The following MYH4 variants were observed in gnomAD, a reference collection of about 807,000 sequenced individuals.
MYH4 encodes the protein myosin heavy chain 4, also known as myosin-4.
MYH4 carries 200 observed loss-of-function variants against 229.9 expected under a neutral mutation model. The ratio of observed to expected loss-of-function variants is 0.87; its 90% confidence interval spans 0.78 to 0.98. The LOEUF (loss-of-function observed/expected upper bound fraction) is 0.98. MYH4 is among the 50% of genes least tolerant of loss of function. The probability of loss-of-function intolerance (pLI) is 0.00; values close to 1 mark genes in which losing one functional copy is unlikely to be tolerated. For missense variants in MYH4, 2,148 were observed against 2,332.6 expected (o/e 0.92, Z 1.63); for synonymous variants, 761 against 834.6 (o/e 0.91, Z 1.52).
At position 10,448,632 on chromosome 17, in the gene MYH4, TTC is replaced by T; in HGVS notation, c.4515_4516del (p.Asn1506Ter). The T allele has an allele frequency of 6.2e-7, 1 of 1,613,926 alleles. No individual in the cohort carries two copies. On this transcript the variant is annotated frameshift_variant, in exon 32 of 40. Transcript: ENST00000255381. LOFTEE classifies it high-confidence loss of function. ...CAGTGACTCACGTTGTAAGTTCTTA[TTC>T]TCTCGCTTTAGAGTTTCAAGATGAT...
chr17:10,467,990 A>T (rs1335194819), intron 2 of MYH4, among the ~76,000 whole-genome samples: 2 of 152,190 alleles, frequency 1.3e-5, no homozygotes, highest in African/African-American at 2.4e-5. Flanking sequence ...TGTCATCAGC[A>T]TTAACTTTCC....
In MYH4 at chr17:10,443,635, C is replaced by T. The variant is rs77307758; in HGVS notation, c.5668-108G>A. On this transcript the variant is annotated intron_variant, in intron 39 of 39. Transcript: ENST00000255381. The surrounding 1 kb of genome is among the most constrained non-coding windows in gnomAD (Gnocchi z 4.6). ...TCATGAATGAGAAAGAAAAAGGCTC[C>T]GTTGTCCAGGCATGGTGGCTCACAC... is the stretch of plus-strand genomic sequence containing the variant. 305 of 1,238,944 alleles carry T rather than the reference C, an allele frequency of 2.5e-4. 1 individual carries two copies. In the East Asian group the frequency reaches 6.9e-3, roughly 28 times the overall value. 76.7% of individuals were successfully genotyped at this position (1,238,944 alleles called of 1,614,324 possible). A position where few individuals can be genotyped will look rare whatever the true frequency, so the allele number is the denominator to read the frequency against.
intron 2 of MYH4, among the ~76,000 whole-genome samples, chr17:10,468,138 T>G (rs1324233042): frequency 1.3e-5 from 2 of 152,098 alleles, no homozygotes; most frequent in South Asian, 2.1e-4. Context: ...TAATGTCAGG[T>G]TTTTTTTCTT....
intron 5 of MYH4, 50 bp downstream of exon 5, chr17:10,465,392 A>G: frequency 6.3e-7 from 1 of 1,597,386 alleles, no homozygotes; most frequent in Non-Finnish European, 8.6e-7. Context: ...TTCTGATATC[A>G]GTATACAACT....
At position 10,449,000 on chromosome 17, in the gene MYH4, G is replaced by C. The variant is rs1399390545; in HGVS notation, c.4229C>G (p.Ala1410Gly). 6.2e-7 allele frequency: 1 copy of C among 1,614,120 alleles called. No individual in the cohort carries two copies. The highest frequency in any genetic ancestry group is 1.3e-5 in the African/African-American group (1 of 75,046). Residue 1410 changes from alanine (A) to glycine (G), a missense_variant, in exon 31 of 40, where the codon GCT (alanine) becomes GGT (glycine). Physicochemically the swap from Ala to Gly is moderately conservative, Grantham distance 60. Coordinates refer to ENST00000255381, the MANE Select transcript of MYH4 (RefSeq NM_017533.2). ...RLQDAEEHVE[A>G]VNSKCASLEK... is the part of the protein sequence containing the mutation. ...AAGAGAAGCACATTTGGAATTCACA[G>C]CTTCTACATGTTCTTCTGCATCCTG...
At chr17:10,468,826 T>C (rs1597426633) in intron 2 of MYH4, among the ~76,000 whole-genome samples, 1 of 152,114 alleles carries the variant, frequency 6.6e-6, no homozygotes, top group South Asian at 2.1e-4. Flanking sequence ...GGGACATGAG[T>C]CCTGTTCCGC....
chr17:10,451,522 G>A, intron 27 of MYH4, 70 bp from the exon 28 acceptor site: 1 of 1,500,554 alleles, frequency 6.7e-7, no homozygotes, highest in East Asian at 2.3e-5. Flanking sequence ...TTAGAGATCT[G>A]TAACTACCTG....
intron 17 of MYH4, 27 bp from the exon 18 acceptor site, chr17:10,455,928 A>G: frequency 1.2e-6 from 2 of 1,613,796 alleles, no homozygotes; most frequent in Non-Finnish European, 1.7e-6. Context: ...AAAGTTTTAA[A>G]ATCATTTCTA....
chr17:10,447,303 G>A lies in MYH4; in HGVS notation c.4966-87C>T, dbSNP rs531099169. On this transcript the variant is annotated intron_variant, in intron 34 of 39. Coordinates refer to ENST00000255381, the MANE Select transcript of MYH4 (RefSeq NM_017533.2). ...GTCATGTACACTCTTTGATCTTAAT[G>A]ACTTAGAGTATGATTAGATAGGAGC... 2.0e-5 allele frequency: 23 copies of A among 1,177,136 alleles called. No homozygotes were observed. In the African/African-American group the frequency reaches 3.2e-4, roughly 16 times the overall value. 72.9% of individuals were successfully genotyped at this position (1,177,136 alleles called of 1,614,324 possible). A position where few individuals can be genotyped will look rare whatever the true frequency, so the allele number is the denominator to read the frequency against.
At position 10,453,260 on chromosome 17, in the gene MYH4, C is replaced by G. The variant is rs138556802; in HGVS notation, c.3003G>C (p.Lys1001Asn). 7.6e-5 allele frequency: 123 copies of G among 1,614,024 alleles called. No individual in the cohort carries two copies. The African/African-American group carries it at 1.1e-3, about 15-fold the overall frequency. The change falls in exon 24 of 40, where the codon AAG (lysine) becomes AAC (asparagine). Residue 1001 changes from lysine (K) to asparagine (N), a missense_variant. Physicochemically the swap from Lys to Asn is moderately conservative, Grantham distance 94. Transcript: ENST00000255381. ...ETIAKLTKEK[K>N]ALQEAHQQTL... ...TCTGCTGGTGGGCCTCCTGGAGAGC[C>G]TTCTTCTCCTTGGTCAGCTTAGCAA... is the stretch of plus-strand genomic sequence containing the variant.
chr17:10,468,163 T>C (rs1288956939), intron 2 of MYH4, among the ~76,000 whole-genome samples: 1 of 152,238 alleles, frequency 6.6e-6, no homozygotes, highest in Non-Finnish European at 1.5e-5. Flanking sequence ...GAAGAAATGT[T>C]ATTTATATTA....
chr17:10,469,432 A>C lies in MYH4; in HGVS notation c.-88-96T>G, dbSNP rs150395730. ...ATTGTCTACAATGTCGTCCTTAAGA[A>C]TGTTGGAAAGAATAATTAAAATTTG... On this transcript the variant is annotated intron_variant, in intron 1 of 39. Transcript: ENST00000255381. 5.6e-3 allele frequency: 855 copies of C among 152,296 alleles called. 12 individuals carry two copies. Among genetic ancestry groups the C allele is most frequent in the African/African-American group, 0.02 (823 of 41,566 alleles). 9.4% of individuals were successfully genotyped at this position (152,296 alleles called of 1,614,324 possible).
chr17:10,465,737 A>G (rs1024737817), intron 4 of MYH4, 139 bp from the exon 5 acceptor site: 14 of 1,072,448 alleles, frequency 1.3e-5, no homozygotes, highest in African/African-American at 3.2e-5. Flanking sequence ...GCCTCCTTCC[A>G]TCATTGCTGC....
intron 11 of MYH4, 78 bp downstream of exon 11, chr17:10,462,787 G>T: frequency 8.2e-7 from 1 of 1,216,844 alleles, no homozygotes; most frequent in Non-Finnish European, 1.2e-6. Flanking sequence ...TTCTGCCACT[G>T]CTTTCCACCC....
In MYH4 at chr17:10,447,280, C is replaced by A; in HGVS notation, c.4966-64G>T. The A allele has an allele frequency of 2.9e-6, 4 of 1,386,500 alleles. No individual in the cohort carries two copies. The South Asian group carries it at 4.9e-5, about 17-fold the overall frequency. 85.9% of individuals were successfully genotyped at this position (1,386,500 alleles called of 1,614,324 possible). ...CTTAAAGCAAATGCAAACTTATGGT[C>A]ATGTACACTCTTTGATCTTAATGAC... On this transcript the variant is annotated intron_variant, in intron 34 of 39. Coordinates refer to ENST00000255381, the MANE Select transcript of MYH4 (RefSeq NM_017533.2).
At chr17:10,452,613 A>G (rs2072590035) in intron 25 of MYH4, 107 bp from the exon 26 acceptor site, 2 of 1,246,058 alleles carry the variant, frequency 1.6e-6, no homozygotes, top group South Asian at 1.4e-5. Context: ...AGGAGTGAGT[A>G]GTACAATGTT....
chr17:10,455,916 G>C lies in MYH4; in HGVS notation c.1969-15C>G, dbSNP rs929719206. 2.5e-6 allele frequency: 4 copies of C among 1,614,002 alleles called. No homozygotes were observed. Among genetic ancestry groups the C allele is most frequent in the Non-Finnish European group, 3.4e-6 (4 of 1,180,014 alleles). On this transcript the variant is annotated splice_polypyrimidine_tract_variant and intron_variant, in intron 17 of 39. Coordinates refer to ENST00000255381, the MANE Select transcript of MYH4 (RefSeq NM_017533.2). ...TTCAAATTCTCCTGTGGAACCATAT[G>C]AAAAGTTTTAAAATCATTTCTAGTT...
chr17:10,455,057 C>A lies in MYH4; in HGVS notation c.2319G>T (p.Leu773=). The A allele has an allele frequency of 6.2e-7, 1 of 1,614,162 alleles. No homozygotes were observed. Among genetic ancestry groups the A allele is most frequent in the Non-Finnish European group, 8.5e-7 (1 of 1,180,032 alleles). Residue 773 remains leucine (L), a synonymous_variant, in exon 21 of 40, where the codon CTG becomes CTT. Coordinates refer to ENST00000255381, the MANE Select transcript of MYH4 (RefSeq NM_017533.2). ...CTCGCATTTCCTCTAGAGTTCCCAG[C>A]AGGCCAGCTTTGAAGAAAACCTTAT... ...GHTKVFFKAG[L]LGTLEEMRDE... is the part of the protein sequence containing the mutation.
rs1314048277 is a variant in MYH4, at chr17:10,447,048, C to T, written c.5134G>A (p.Asp1712Asn). Residue 1712 changes from aspartate (D) to asparagine (N), a missense_variant, in exon 35 of 40, where the codon GAT becomes AAT. By Grantham distance (23) the Asp-to-Asn change is conservative. Transcript: ENST00000255381. ...AGAAGTTGCACACGTTCACTGGCAT[C>T]CAGAAGCTCTTGCTCTGCCATTTTC... ...GRKMAEQELL[D>N]ASERVQLLHT... 1 of 1,614,142 alleles carries T rather than the reference C, an allele frequency of 6.2e-7. No homozygotes were observed. Among genetic ancestry groups the T allele is most frequent in the Admixed American group, 1.7e-5 (1 of 60,026 alleles).
Sources: allele counts gnomAD v4.1 joint callset (sites outside exome capture counted in the v4.1 genomes callset), GRCh38; gene constraint gnomAD v4.1.1; non-coding constraint Gnocchi (gnomAD v3.1); transcripts MANE v1.5; gene names NCBI Gene and HGNC (gene_info 2026-07-23, HGNC 2026-07-21).